The following AKAP10 variants were observed in gnomAD, a reference collection of about 807,000 sequenced individuals.
AKAP10 encodes A-kinase anchor protein 10, mitochondrial.
A neutral mutation model predicts 80.8 loss-of-function variants in AKAP10; 24 were observed. The observed-to-expected ratio is 0.30, with a 90% CI of 0.22 to 0.42. The LOEUF (loss-of-function observed/expected upper bound fraction) is 0.42, where lower values mean the gene tolerates loss of function less well. Among genes scored for constraint, AKAP10 ranks in the 10% least tolerant of loss-of-function variants. The probability of loss-of-function intolerance (pLI) is 1.00; values close to 1 mark genes in which losing one functional copy is unlikely to be tolerated. For missense variants in AKAP10, 661 were observed against 794.9 expected (o/e 0.83, Z 2.03); for synonymous variants, 291 against 277.7 (o/e 1.05, Z -0.48).
At chr17:19,923,419 C>T (rs4476228) in intron 11 of AKAP10, among the ~76,000 whole-genome samples, 1 of 152,028 alleles carries the variant, frequency 6.6e-6, no homozygotes, top group South Asian at 2.1e-4. Context: ...AATCACTACA[C>T]AAAGCTGACA....
chr17:19,941,006 A>C lies in AKAP10; in HGVS notation c.1066T>G (p.Phe356Val). ...TGGTGACTTCGCAGAAACTCACTAA[A>C]GTGCCTGCACATGGACAAAAGGGAA... Reference protein sequence around the residue: ...IVFSAMEQEHFSEFLRSHHFC... With the variant: ...IVFSAMEQEHVSEFLRSHHFC... The change falls in exon 7 of 15, where the codon TTT becomes GTT. Residue 356 changes from phenylalanine to valine, a missense_variant. Physicochemically the swap from Phe to Val is conservative, Grantham distance 50. Coordinates refer to ENST00000225737, the MANE Select transcript of AKAP10 (RefSeq NM_007202.4). 1 of 1,600,356 alleles carries C rather than the reference A, an allele frequency of 6.2e-7. No homozygotes were observed. The highest frequency in any genetic ancestry group is 8.5e-7 in the Non-Finnish European group (1 of 1,176,598).
intron 3 of AKAP10, among the ~76,000 whole-genome samples, chr17:19,961,106 C>G (rs934856915): frequency 6.6e-6 from 1 of 151,680 alleles, no homozygotes; most frequent in African/African-American, 2.4e-5. Context: ...CTTTGGGAGG[C>G]CTACGCAAGT....
chr17:19,946,224 AT>A (rs2043110150), intron 5 of AKAP10, among the ~76,000 whole-genome samples: 1 of 10,606 alleles, frequency 9.4e-5, no homozygotes, highest in South Asian at 2.6e-3. Flanking sequence ...TATATATTTT[AT>A]ATATATATAT....
chr17:19,936,557 T>C (rs1423708916), intron 8 of AKAP10, 127 bp from the exon 9 acceptor site: 6 of 903,398 alleles, frequency 6.6e-6, no homozygotes, highest in Non-Finnish European at 9.7e-6. Flanking sequence ...ACTATAGAGC[T>C]ATGTGATGAC....
At chr17:19,965,911 A>G (rs972457441) in intron 2 of AKAP10, among the ~76,000 whole-genome samples, 1 of 151,808 alleles carries the variant, frequency 6.6e-6, no homozygotes, top group East Asian at 1.9e-4. Flanking sequence ...TTGTAAGACC[A>G]TATTTTCCTC....
intron 4 of AKAP10, among the ~76,000 whole-genome samples, chr17:19,951,042 C>T (rs868766658): frequency 3.3e-5 from 5 of 152,000 alleles, no homozygotes; most frequent in Admixed American, 2.0e-4. Flanking sequence ...CCGGCCGCCC[C>T]GTCTGAGAAG....
At chr17:19,962,766 TC>T in intron 3 of AKAP10, 73 bp downstream of exon 3, 1 of 1,458,772 alleles carries the variant, frequency 6.9e-7, no homozygotes, top group Non-Finnish European at 9.4e-7. Context: ...TAGTTCTGTA[TC>T]CTATGACAGA....
intron 3 of AKAP10, among the ~76,000 whole-genome samples, chr17:19,961,146 A>T (rs2043344264): frequency 6.6e-6 from 1 of 150,696 alleles, no homozygotes; most frequent in Non-Finnish European, 1.5e-5. Context: ...GTTTGAGACC[A>T]GCCTGGGAAA....
chr17:19,909,378 A>C (rs577430353), intron 13 of AKAP10, 102 bp from the exon 14 acceptor site: 2 of 1,007,336 alleles, frequency 2.0e-6, no homozygotes, highest in East Asian at 5.5e-5. Flanking sequence ...CATAATTTCT[A>C]CTTATTTGGA....
intron 5 of AKAP10, among the ~76,000 whole-genome samples, chr17:19,946,222 TTA>T (rs1170911920): frequency 8.8e-5 from 3 of 33,958 alleles, no homozygotes; most frequent in South Asian, 1.1e-3. Context: ...TATATATATT[TTA>T]TATATATATA....
At chr17:19,958,733 G>A (rs573002602) in intron 3 of AKAP10, among the ~76,000 whole-genome samples, 162 bp from the exon 4 acceptor site, 2 of 150,880 alleles carry the variant, frequency 1.3e-5, no homozygotes, top group African/African-American at 2.4e-5. Context: ...TATGCTTTTG[G>A]TTTCTAAACA....
At chr17:19,948,338 A>G in intron 4 of AKAP10, among the ~76,000 whole-genome samples, 1 of 151,988 alleles carries the variant, frequency 6.6e-6, no homozygotes, top group East Asian at 1.9e-4. Flanking sequence ...CCAGATGCAC[A>G]AAGAAGAAGT....
intron 3 of AKAP10, among the ~76,000 whole-genome samples, chr17:19,959,762 T>C (rs907079473): frequency 6.6e-6 from 1 of 152,338 alleles, no homozygotes; most frequent in African/African-American, 2.4e-5. Flanking sequence ...GAGTTCTTCT[T>C]AATCCATTGA....
rs935122234 is a variant in AKAP10 at position 19,906,131 on chromosome 17, T to C, written c.*96A>G. Reference sequence around the variant, plus strand: ...AAACAACAGTGACAGATCAGAAATATAGTGCTGTTTTCATTGGCTGTGTTG... The same window carrying C: ...AAACAACAGTGACAGATCAGAAATACAGTGCTGTTTTCATTGGCTGTGTTG... On this transcript the variant is annotated 3_prime_UTR_variant, in exon 15 of 15. Transcript: ENST00000225737. 2.3e-6 allele frequency: 3 copies of C among 1,319,506 alleles called. No individual in the cohort carries two copies. The highest frequency in any genetic ancestry group is 2.2e-6 in the Non-Finnish European group (2 of 925,324). The allele number at this position is 1,319,506 out of a possible 1,614,324, so 81.7% of individuals were successfully genotyped here.
chr17:19,972,549 G>A (rs983329170), intron 1 of AKAP10, among the ~76,000 whole-genome samples: 5 of 152,074 alleles, frequency 3.3e-5, no homozygotes, highest in South Asian at 2.1e-4. Context: ...TTCGCCTCCC[G>A]GGTTCAGGCC....
chr17:19,910,621 A>C (rs77669647), intron 12 of AKAP10, among the ~76,000 whole-genome samples: 9,319 of 151,922 alleles, frequency 0.061, 363 homozygotes, highest in Middle Eastern at 0.092. Flanking sequence ...AAAACAAAAC[A>C]AAACCAAACC....
At chr17:19,932,611 T>C (rs1329130695) in intron 9 of AKAP10, among the ~76,000 whole-genome samples, 2 of 152,174 alleles carry the variant, frequency 1.3e-5, no homozygotes, top group African/African-American at 4.8e-5. Flanking sequence ...TGGTTTATGA[T>C]AAATGTTAAA....
intron 1 of AKAP10, among the ~76,000 whole-genome samples, chr17:19,970,213 C>A (rs2043477281): frequency 6.6e-6 from 1 of 152,166 alleles, no homozygotes; most frequent in Non-Finnish European, 1.5e-5. Flanking sequence ...ACACTGTCAT[C>A]CACCCACTAC....
intron 2 of AKAP10, among the ~76,000 whole-genome samples, chr17:19,966,987 T>C (rs1426320726): frequency 6.6e-6 from 1 of 152,120 alleles, no homozygotes; most frequent in Non-Finnish European, 1.5e-5. Flanking sequence ...GGTACCTTAC[T>C]TTTTTCCCTA....
Sources: gnomAD v4.1 joint callset for allele counts (sites outside exome capture counted in the v4.1 genomes callset) on GRCh38, gnomAD v4.1.1 for gene constraint, MANE v1.5 for transcripts, NCBI Gene and HGNC (gene_info 2026-07-23, HGNC 2026-07-21) for gene names.